The following SIPA1L3 variants were observed in gnomAD, a reference collection of about 807,000 sequenced individuals.
SIPA1L3 encodes signal induced proliferation associated 1 like 3.
A neutral mutation model predicts 150.1 loss-of-function variants in SIPA1L3; 59 were observed. The ratio of observed to expected loss-of-function variants is 0.39; its 90% CI spans 0.32 to 0.49. The LOEUF is 0.49. Ranked by LOEUF, SIPA1L3 falls within the 20% of genes least tolerant of loss-of-function variation. The probability of loss-of-function intolerance (pLI) is 0.86; values close to 1 mark genes in which losing one functional copy is unlikely to be tolerated. For missense variants in SIPA1L3, 2,211 were observed against 2,489.5 expected (o/e 0.89, Z 2.38); for synonymous variants, 1,070 against 1,077.6 (o/e 0.99, Z 0.14).
intron 19 of SIPA1L3, among the ~76,000 whole-genome samples, chr19:38,201,565 C>T (rs1973087805): frequency 1.3e-5 from 2 of 152,184 alleles, no homozygotes; most frequent in African/African-American, 4.8e-5. Flanking sequence ...GTTCGGAATC[C>T]GGTCGGTTGC....
At chr19:38,050,570 ATGT>A (rs1969170945) in intron 2 of SIPA1L3, among the ~76,000 whole-genome samples, 2 of 152,202 alleles carry the variant, frequency 1.3e-5, no homozygotes, top group South Asian at 2.1e-4. Flanking sequence ...AAACTTTCAA[ATGT>A]TGTATCCTTT....
chr19:37,925,514 C>G (rs1488125148), intron 1 of SIPA1L3, among the ~76,000 whole-genome samples: 2 of 151,222 alleles, frequency 1.3e-5, no homozygotes, highest in African/African-American at 4.9e-5. Context: ...ATTTGCAGAT[C>G]TCTTAGGGTC....
At chr19:38,150,990 G>C (rs1971808682) in intron 12 of SIPA1L3, among the ~76,000 whole-genome samples, 1 of 152,164 alleles carries the variant, frequency 6.6e-6, no homozygotes, top group Non-Finnish European at 1.5e-5. Flanking sequence ...GAGCAGGGCA[G>C]GTTCCAGGGA....
intron 1 of SIPA1L3, among the ~76,000 whole-genome samples, chr19:38,025,159 C>T (rs1052319273): frequency 6.6e-6 from 1 of 152,202 alleles, no homozygotes; most frequent in Non-Finnish European, 1.5e-5. Context: ...GTGCTTGGCT[C>T]ACGTGTCTCT....
intron 13 of SIPA1L3, among the ~76,000 whole-genome samples, chr19:38,162,031 G>A (rs930264357): frequency 6.6e-6 from 1 of 152,236 alleles, no homozygotes. Flanking sequence ...GACAGGGAGA[G>A]AGGGAAATGG....
At chr19:37,916,493 TAAAAAAAA>T (rs911159767) in intron 1 of SIPA1L3, among the ~76,000 whole-genome samples, 2 of 90,792 alleles carry the variant, frequency 2.2e-5, no homozygotes, top group Admixed American at 1.3e-4. Flanking sequence ...ACTCTGTGTC[TAAAAAAAA>T]AAAAAAAAAA....
chr19:38,182,485 G>T, intron 15 of SIPA1L3, 34 bp from the exon 16 acceptor site: 3 of 1,489,100 alleles, frequency 2.0e-6, no homozygotes, highest in Non-Finnish European at 2.7e-6. Flanking sequence ...GAATGGATTT[G>T]GTTTTTTTTA....
intron 1 of SIPA1L3, among the ~76,000 whole-genome samples, chr19:37,980,478 G>T (rs1599863349): frequency 1.3e-5 from 2 of 152,146 alleles, no homozygotes; most frequent in South Asian, 4.1e-4. Flanking sequence ...AGGCAAAAAA[G>T]AAAGGTGTAT....
chr19:38,198,731 G>A (rs533968636), intron 19 of SIPA1L3, among the ~76,000 whole-genome samples, 199 bp downstream of exon 19: 6 of 152,232 alleles, frequency 3.9e-5, no homozygotes, highest in Non-Finnish European at 7.3e-5. Context: ...AGCGAACCAC[G>A]TTGACCAACA....
chr19:38,106,167 C>A (rs28700884), intron 6 of SIPA1L3: 4,220 of 256,418 alleles, frequency 0.016, 178 homozygotes, highest in African/African-American at 0.093. Flanking sequence ...AGTGCAGTGG[C>A]GTGATCTCGG....
chr19:38,046,958 TC>T lies in SIPA1L3; in HGVS notation c.-311+17804del, dbSNP rs1465141705. 1.3e-5 allele frequency among the ~76,000 whole-genome samples: 2 copies of T among 152,174 alleles called. No individual in the cohort carries two copies. Among genetic ancestry groups the T allele is most frequent in the African/African-American group, 2.4e-5 (1 of 41,448 alleles). On this transcript the variant is annotated intron_variant, in intron 2 of 21. Coordinates refer to ENST00000222345, the MANE Select transcript of SIPA1L3 (RefSeq NM_015073.3). The surrounding 1 kb of genome is among the most constrained non-coding windows in gnomAD (Gnocchi z 5.6). ...ACCACCTGGGTGGTTGAGTGGCTCT[TC>T]CAGAGACCCTTAAGTGGATGGGCTC...
intron 1 of SIPA1L3, among the ~76,000 whole-genome samples, chr19:37,970,670 C>A (rs566389545): frequency 2.6e-5 from 4 of 152,310 alleles, no homozygotes; most frequent in African/African-American, 9.6e-5. Context: ...ATGTGGAGGG[C>A]ATGGAGGCTG....
At chr19:37,950,793 G>T (rs572828206) in intron 1 of SIPA1L3, among the ~76,000 whole-genome samples, 2 of 152,208 alleles carry the variant, frequency 1.3e-5, no homozygotes, top group African/African-American at 4.8e-5. Context: ...TTCTTCTCTT[G>T]TGAAAGGCAG....
chr19:38,038,631 A>C (rs1968844455), intron 2 of SIPA1L3, among the ~76,000 whole-genome samples: 1 of 151,480 alleles, frequency 6.6e-6, no homozygotes, highest in Admixed American at 6.6e-5. Flanking sequence ...ACAGTCTGAG[A>C]AATCCTACAG....
intron 15 of SIPA1L3, among the ~76,000 whole-genome samples, chr19:38,171,385 C>CTTTTTTT (rs1055077464): frequency 4.1e-4 from 32 of 77,898 alleles, no homozygotes; most frequent in Middle Eastern, 0.017. Flanking sequence ...CCTACCAAAA[C>CTTTTTTT]TTTTTTTTTT....
intron 1 of SIPA1L3, among the ~76,000 whole-genome samples, chr19:37,998,645 A>G (rs1239050553): frequency 6.6e-6 from 1 of 152,048 alleles, no homozygotes; most frequent in African/African-American, 2.4e-5. Flanking sequence ...TTAATTAACC[A>G]GACATGGTGG....
intron 15 of SIPA1L3, among the ~76,000 whole-genome samples, chr19:38,179,356 C>T (rs1484021682): frequency 2.0e-5 from 3 of 152,286 alleles, no homozygotes; most frequent in Non-Finnish European, 2.9e-5. Flanking sequence ...GCAGGAGAAT[C>T]GCTTGAGCCA....
chr19:38,104,849 G>A (rs1051484065), intron 6 of SIPA1L3, among the ~76,000 whole-genome samples: 1 of 151,854 alleles, frequency 6.6e-6, no homozygotes, highest in Admixed American at 6.6e-5. Context: ...AGGATTACAG[G>A]TGTGAGCCAC....
At chr19:37,932,095 C>T (rs1038968146) in intron 1 of SIPA1L3, among the ~76,000 whole-genome samples, 80 of 152,346 alleles carry the variant, frequency 5.3e-4, no homozygotes, top group African/African-American at 1.7e-3. Flanking sequence ...CATTAAGCTG[C>T]ATTGCCTCTG....
Sources: gnomAD v4.1 joint callset for allele counts (sites outside exome capture counted in the v4.1 genomes callset) on GRCh38, gnomAD v4.1.1 for gene constraint, Gnocchi (gnomAD v3.1) non-coding constraint, MANE v1.5 for transcripts, NCBI Gene and HGNC (gene_info 2026-07-23, HGNC 2026-07-21) for gene names.